Variants in SEMA3A observed in about 807,000 individuals in gnomAD.
The protein encoded by SEMA3A is semaphorin 3A.
A neutral mutation model predicts 97.9 loss-of-function variants in SEMA3A; 29 were observed. That is an observed-to-expected ratio of 0.30 (90% CI 0.22 to 0.40). SEMA3A has a LOEUF of 0.40. SEMA3A is among the 10% of genes least tolerant of loss of function. The pLI is 1.00. For synonymous variants in SEMA3A, 321 were observed against 323.7 expected, an observed-to-expected ratio of 0.99 and a Z score of 0.09; for missense variants, 763 against 951.3, an observed-to-expected ratio of 0.80 and a Z score of 2.60.
chr7:84,033,921 C>T (rs899316257), intron 6 of SEMA3A, among the ~76,000 whole-genome samples: 1 of 151,946 alleles, frequency 6.6e-6, no homozygotes, highest in Non-Finnish European at 1.5e-5. Flanking sequence ...ATAAATAACA[C>T]AGATCTTTGG....
intron 1 of SEMA3A, among the ~76,000 whole-genome samples, chr7:84,473,808 T>C (rs571072066): frequency 1.3e-5 from 2 of 152,312 alleles, no homozygotes; most frequent in East Asian, 3.9e-4. Flanking sequence ...GAAATAATAC[T>C]AAACATTGGT....
chr7:84,398,099 A>T (rs543947653), intron 1 of SEMA3A, among the ~76,000 whole-genome samples: 1 of 152,304 alleles, frequency 6.6e-6, no homozygotes, highest in South Asian at 2.1e-4. Context: ...CAACCAAAAC[A>T]CATTTTGATT....
intron 1 of SEMA3A, among the ~76,000 whole-genome samples, chr7:84,160,670 G>C (rs910431130): frequency 6.6e-6 from 1 of 151,132 alleles, no homozygotes; most frequent in Non-Finnish European, 1.5e-5. Context: ...CTTGAGGTAG[G>C]AGTCTGAGAT....
chr7:84,329,656 C>A (rs920239229), intron 2 of SEMA3A, among the ~76,000 whole-genome samples: 45 of 151,938 alleles, frequency 3.0e-4, no homozygotes, highest in African/African-American at 1.0e-3. Context: ...TCCAGGTGAA[C>A]AATAATGAGA....
intron 3 of SEMA3A, among the ~76,000 whole-genome samples, chr7:84,304,117 A>C (rs1801094439): frequency 6.6e-6 from 1 of 152,150 alleles, no homozygotes; most frequent in Non-Finnish European, 1.5e-5. Context: ...AGGAAGAAAA[A>C]AATAGGGGTT....
At chr7:84,019,438 T>C (rs1181806233) in intron 6 of SEMA3A, among the ~76,000 whole-genome samples, 2 of 151,554 alleles carry the variant, frequency 1.3e-5, no homozygotes, top group African/African-American at 2.4e-5. Flanking sequence ...TGAGGAAAAG[T>C]AGAAAGGATT....
intron 2 of SEMA3A, among the ~76,000 whole-genome samples, chr7:84,346,816 A>G (rs1026610321): frequency 6.6e-6 from 1 of 152,244 alleles, no homozygotes; most frequent in Non-Finnish European, 1.5e-5. Context: ...ATGGTGTTGG[A>G]AAAATGGTGC....
At chr7:84,329,393 A>T (rs767539356) in intron 2 of SEMA3A, among the ~76,000 whole-genome samples, 6 of 151,926 alleles carry the variant, frequency 3.9e-5, no homozygotes, top group African/African-American at 9.7e-5. Flanking sequence ...ATGCCGGTTT[A>T]TTTATTTTAT....
intron 12 of SEMA3A, among the ~76,000 whole-genome samples, chr7:83,998,422 C>T (rs1790303838): frequency 6.6e-6 from 1 of 152,096 alleles, no homozygotes; most frequent in Non-Finnish European, 1.5e-5. Context: ...AAATGGTACA[C>T]CTGTGTAGGG....
chr7:84,398,859 A>C (rs1263768505), intron 1 of SEMA3A, among the ~76,000 whole-genome samples: 1 of 152,146 alleles, frequency 6.6e-6, no homozygotes, highest in Non-Finnish European at 1.5e-5. Context: ...AGTTATATTG[A>C]GGCTACAGAA....
intron 4 of SEMA3A, among the ~76,000 whole-genome samples, chr7:84,076,184 T>C (rs61482260): frequency 0.07 from 10,599 of 152,246 alleles, 457 homozygotes; most frequent in East Asian, 0.19. Flanking sequence ...AGATAGCATA[T>C]GAATAATTCA....
intron 4 of SEMA3A, among the ~76,000 whole-genome samples, chr7:84,072,645 A>G (rs1793783430): frequency 6.6e-6 from 1 of 152,086 alleles, no homozygotes; most frequent in Non-Finnish European, 1.5e-5. Context: ...AGCTGTTACT[A>G]TGTAAGGTTT....
intron 9 of SEMA3A, among the ~76,000 whole-genome samples, chr7:84,009,524 A>C (rs1741663142): frequency 6.6e-6 from 1 of 152,162 alleles, no homozygotes; most frequent in Admixed American, 6.5e-5. Flanking sequence ...TATCAAAGTT[A>C]CTTGCAGTAC....
At chr7:84,372,078 T>G (rs772250960) in intron 1 of SEMA3A, 1 of 152,096 alleles carries the variant, frequency 6.6e-6, no homozygotes, top group Non-Finnish European at 1.5e-5. Context: ...TTAACCTCTT[T>G]GTTCTCTCAT....
chr7:84,304,139 CA>C (rs1475404337), intron 3 of SEMA3A, among the ~76,000 whole-genome samples: 1 of 152,064 alleles, frequency 6.6e-6, no homozygotes, highest in Non-Finnish European at 1.5e-5. Flanking sequence ...ATAAAGCATT[CA>C]AAAGAAGCTC....
At chr7:84,249,387 C>CTATCTATCTATCTATA (rs1181263605) in intron 3 of SEMA3A, among the ~76,000 whole-genome samples, 24 of 151,552 alleles carry the variant, frequency 1.6e-4, no homozygotes, top group African/African-American at 5.8e-4. Flanking sequence ...ATCTATCTAT[C>CTATCTATCTATCTATA]TATCTATCTA....
intron 4 of SEMA3A, among the ~76,000 whole-genome samples, chr7:84,066,106 C>A: frequency 6.6e-6 from 1 of 151,480 alleles, no homozygotes; most frequent in Non-Finnish European, 1.5e-5. Flanking sequence ...GGATGCAAGG[C>A]TGGTTTAATA....
At chr7:84,279,132 G>T (rs933488892) in intron 3 of SEMA3A, among the ~76,000 whole-genome samples, 2 of 152,048 alleles carry the variant, frequency 1.3e-5, no homozygotes, top group Non-Finnish European at 2.9e-5. Flanking sequence ...GATTAAGAAT[G>T]GGATATGTAT....
intron 3 of SEMA3A, among the ~76,000 whole-genome samples, chr7:84,127,589 A>C (rs1157002296): frequency 6.6e-6 from 1 of 152,212 alleles, no homozygotes; most frequent in Admixed American, 6.5e-5. Context: ...ATAATTTTCA[A>C]GGATGAATTT....
Sources: allele counts gnomAD v4.1 joint callset (sites outside exome capture counted in the v4.1 genomes callset), GRCh38; gene constraint gnomAD v4.1.1; transcripts MANE v1.5; gene names NCBI Gene and HGNC (gene_info 2026-07-23, HGNC 2026-07-21).